Variants in POLQ observed in about 807,000 individuals in gnomAD.
POLQ encodes epididymis secretory sperm binding protein.
A neutral mutation model predicts 259.2 loss-of-function variants in POLQ; 233 were observed. The ratio of observed to expected loss-of-function variants is 0.90; its 90% CI spans 0.81 to 1.00. The LOEUF is 1.00. Ranked by LOEUF, POLQ falls within the 50% of genes least tolerant of loss-of-function variation. The probability of loss-of-function intolerance (pLI) is 0.00; values close to 1 mark genes in which losing one functional copy is unlikely to be tolerated. For synonymous variants in POLQ, 1,025 were observed against 1,048.8 expected (o/e 0.98, Z 0.44); for missense variants, 2,871 against 3,051.6 (o/e 0.94, Z 1.39).
At chr3:121,435,578 C>T (rs1490729173) in intron 28 of POLQ, among the ~76,000 whole-genome samples, 1 of 152,198 alleles carries the variant, frequency 6.6e-6, no homozygotes, top group Non-Finnish European at 1.5e-5. Context: ...AAGTGGCCAA[C>T]TGTCCTGGTA....
chr3:121,544,630 C>T (rs931795974), intron 2 of POLQ, 97 bp downstream of exon 2: 20 of 716,010 alleles, frequency 2.8e-5, no homozygotes, highest in Admixed American at 1.4e-4. Context: ...TAAAGCACTG[C>T]CTCATTCACC....
chr3:121,517,371 GT>G (rs1553819638), intron 9 of POLQ, among the ~76,000 whole-genome samples: 49 of 144,984 alleles, frequency 3.4e-4, no homozygotes, highest in Middle Eastern at 3.6e-3. Context: ...TGGAAGTTTT[GT>G]TTTTTTTTTT....
At chr3:121,473,517 G>C in intron 20 of POLQ, 30 bp from the exon 21 acceptor site, 1 of 1,576,794 alleles carries the variant, frequency 6.3e-7, no homozygotes, top group Non-Finnish European at 8.7e-7. Flanking sequence ...CTTTAGTCAA[G>C]AATGAAACTT....
At chr3:121,540,949 T>C (rs2048485196) in intron 3 of POLQ, among the ~76,000 whole-genome samples, 1 of 151,280 alleles carries the variant, frequency 6.6e-6, no homozygotes, top group Admixed American at 6.6e-5. Context: ...TGGAGTGCAA[T>C]AGCGTGATCT....
In POLQ at chr3:121,439,989, T is replaced by C. The variant is rs1321879308; in HGVS notation, c.7389+3A>G. 4.3e-6 allele frequency: 7 copies of C among 1,612,974 alleles called. No individual in the cohort carries two copies. Among genetic ancestry groups the C allele is most frequent in the East Asian group, 4.5e-5 (2 of 44,850 alleles). ...TTAAAATTCCTAAAAAATTTCAACA[T>C]ACGTGAGCTTTACGATAAGGGTTGT... On this transcript the variant is annotated splice_donor_region_variant and intron_variant, in intron 27 of 29. Coordinates refer to ENST00000264233, the MANE Select transcript of POLQ (RefSeq NM_199420.4).
At chr3:121,469,472 G>C (rs2047866138) in intron 22 of POLQ, among the ~76,000 whole-genome samples, 1 of 151,730 alleles carries the variant, frequency 6.6e-6, no homozygotes, top group Admixed American at 6.6e-5. Flanking sequence ...TTGTTTTTTT[G>C]AATGATCCCC....
chr3:121,533,585 G>A (rs987936042), intron 5 of POLQ, among the ~76,000 whole-genome samples: 1 of 151,978 alleles, frequency 6.6e-6, no homozygotes, highest in African/African-American at 2.4e-5. Flanking sequence ...GACCTGTCTC[G>A]GCTCACTGCA....
At position 121,539,521 on chromosome 3, in the gene POLQ, G is replaced by C. The variant is rs36065146; in HGVS notation, c.543C>G (p.Phe181Leu). ...TGCAGACTGCAATATCCAATGAAGA[G>C]AAATGCCTTGATGGAGAGGTGCTGC... ...YMGSTSPSRH[F>L]SSLDIAVCTI... Residue 181 changes from phenylalanine to leucine, a missense_variant, in exon 4 of 30, where the codon TTC becomes TTG. Physicochemically the swap from Phe to Leu is conservative, Grantham distance 22. Transcript: ENST00000264233. The C allele has an allele frequency of 6.2e-7, 1 of 1,612,536 alleles. No individual in the cohort carries two copies. Among genetic ancestry groups the C allele is most frequent in the East Asian group, 2.2e-5 (1 of 44,862 alleles).
chr3:121,510,290 G>A, intron 10 of POLQ, 47 bp from the exon 11 acceptor site: 1 of 1,449,538 alleles, frequency 6.9e-7, no homozygotes, highest in Non-Finnish European at 9.7e-7. Context: ...AAGAAAACAT[G>A]CAAGCCACCG....
In POLQ at chr3:121,472,183, G is replaced by A. The variant is rs767603115; in HGVS notation, c.6544-19C>T. ...AAACGTCCTGCCAAAAAAATATAAGGTAAGATTGAATTCTTGTCCAAATTC... is the reference window on the plus strand; with the variant it reads ...AAACGTCCTGCCAAAAAAATATAAGATAAGATTGAATTCTTGTCCAAATTC... On this transcript the variant is annotated intron_variant, in intron 21 of 29. Transcript: ENST00000264233. The A allele has an allele frequency of 1.9e-5, 24 of 1,274,992 alleles. No homozygotes were observed. The highest frequency in any genetic ancestry group is 2.4e-5 in the Non-Finnish European group (22 of 928,178). The allele number at this position is 1,274,992 out of a possible 1,614,324, so 79.0% of individuals were successfully genotyped here. A position where few individuals can be genotyped will look rare whatever the true frequency, so the allele number is the denominator to read the frequency against.
intron 14 of POLQ, among the ~76,000 whole-genome samples, 159 bp from the exon 15 acceptor site, chr3:121,493,880 A>C (rs539620794): frequency 1.3e-5 from 2 of 152,204 alleles, no homozygotes; most frequent in Non-Finnish European, 2.9e-5. Flanking sequence ...GATATATATT[A>C]AGAGCCTTAA....
rs1455765383 is a variant in POLQ at position 121,529,718 on chromosome 3, T to C, written c.1035A>G (p.Pro345=). The C allele has an allele frequency of 1.9e-6, 3 of 1,612,956 alleles. No homozygotes were observed. Among genetic ancestry groups the C allele is most frequent in the Admixed American group, 1.7e-5 (1 of 59,968 alleles). Residue 345 remains proline (P), a synonymous_variant, in exon 7 of 30, where the codon CCA becomes CCG. Transcript: ENST00000264233. ...CCAGCTTCTCACACCATTTCTTTGA[T>C]GGACAAAAAAGTAATACTGAATGGT... The part of the protein sequence containing the change: ...CDNHSVLLFC[P]SKKWCEKLAD...
At chr3:121,495,848 CAAA>C (rs34476932) in intron 14 of POLQ, among the ~76,000 whole-genome samples, 1 of 28,120 alleles carries the variant, frequency 3.6e-5, no homozygotes, top group African/African-American at 1.3e-4. Flanking sequence ...GACTCTGTCT[CAAA>C]AAAAAAAAAA....
chr3:121,497,970 A>C (rs1314359051), intron 13 of POLQ, among the ~76,000 whole-genome samples: 1 of 152,214 alleles, frequency 6.6e-6, no homozygotes, highest in South Asian at 2.1e-4. Flanking sequence ...AATGGCTGCT[A>C]AACTGTGAGC....
intron 28 of POLQ, among the ~76,000 whole-genome samples, chr3:121,434,205 C>A (rs1285045515): frequency 6.6e-6 from 1 of 152,234 alleles, no homozygotes; most frequent in East Asian, 1.9e-4. Context: ...CCCATATGGT[C>A]TGCTTCCTCA....
intron 2 of POLQ, among the ~76,000 whole-genome samples, chr3:121,543,301 T>C (rs1553826802): frequency 6.6e-6 from 1 of 152,218 alleles, no homozygotes; most frequent in Non-Finnish European, 1.5e-5. Flanking sequence ...ATTTTATTTT[T>C]TGTAATGCCT....
chr3:121,501,056 T>A (rs377006761), intron 12 of POLQ, among the ~76,000 whole-genome samples: 1 of 152,162 alleles, frequency 6.6e-6, no homozygotes, highest in Non-Finnish European at 1.5e-5. Flanking sequence ...CTCCACCTCC[T>A]GGGCGGAAGC....
intron 25 of POLQ, among the ~76,000 whole-genome samples, chr3:121,452,385 G>A (rs939437554): frequency 6.6e-6 from 1 of 152,110 alleles, no homozygotes; most frequent in Non-Finnish European, 1.5e-5. Flanking sequence ...GCTGTAGACT[G>A]GAGCTGTTCC....
intron 16 of POLQ, among the ~76,000 whole-genome samples, chr3:121,486,605 G>A (rs145075040): frequency 2.7e-5 from 4 of 150,484 alleles, no homozygotes; most frequent in Admixed American, 1.3e-4. Context: ...GGCTCATGCC[G>A]GTAATCCCAG....
Sources: gnomAD v4.1 joint callset for allele counts (sites outside exome capture counted in the v4.1 genomes callset) on GRCh38, gnomAD v4.1.1 for gene constraint, MANE v1.5 for transcripts, NCBI Gene and HGNC (gene_info 2026-07-23, HGNC 2026-07-21) for gene names.